Variants in PADI4 observed in about 807,000 individuals in gnomAD.
PADI4 encodes the protein protein-arginine deiminase type-4.
In PADI4, 62 loss-of-function variants were observed where a neutral mutation model predicts 75.0. The ratio of observed to expected loss-of-function variants is 0.83; its 90% confidence interval spans 0.67 to 1.02. The LOEUF (loss-of-function observed/expected upper bound fraction) is 1.02, where lower values mean the gene tolerates loss of function less well. Ranked by LOEUF, PADI4 falls within the 50% of genes least tolerant of loss-of-function variation. The pLI is 0.00. For synonymous variants in PADI4, 361 were observed against 348.1 expected, an observed-to-expected ratio of 1.04 and a Z score of -0.41; for missense variants, 845 against 850.5, an observed-to-expected ratio of 0.99 and a Z score of 0.08.
chr1:17,333,211 A>G (rs994404521), intron 2 of PADI4, among the ~76,000 whole-genome samples: 4 of 152,170 alleles, frequency 2.6e-5, no homozygotes, highest in Non-Finnish European at 5.9e-5. Flanking sequence ...GGCTGACACC[A>G]TGGTCCAGGC....
chr1:17,333,510 C>A (rs553167572), intron 2 of PADI4, among the ~76,000 whole-genome samples: 57 of 152,110 alleles, frequency 3.7e-4, no homozygotes, highest in African/African-American at 1.2e-3. Flanking sequence ...CTCCTGCTCC[C>A]CAGATCCCCC....
At chr1:17,338,187 C>T (rs747707413) in intron 5 of PADI4, 32 bp downstream of exon 5, 2 of 1,419,428 alleles carry the variant, frequency 1.4e-6, no homozygotes, top group Admixed American at 3.4e-5. Flanking sequence ...ACGGGAAGGG[C>T]TTTTTATAAA....
Position 17,336,158 on chromosome 1 carries a change from G to T in PADI4, c.341-1G>T. Reference sequence around the variant, plus strand: ...TCTCCTCTTACTTGATGGGATTTCAGAAATCTCCTTGTGCGCAGACATCAC... The same window carrying T: ...TCTCCTCTTACTTGATGGGATTTCATAAATCTCCTTGTGCGCAGACATCAC... On this transcript the variant is annotated splice_acceptor_variant, in intron 3 of 15. Transcript: ENST00000375448. LOFTEE classifies it high-confidence loss of function. The T allele has an allele frequency of 1.9e-6, 3 of 1,611,792 alleles. No individual in the cohort carries two copies. Among genetic ancestry groups the T allele is most frequent in the Non-Finnish European group, 2.5e-6 (3 of 1,177,864 alleles).
At chr1:17,344,452 TAAG>T (rs1455618311) in intron 8 of PADI4, among the ~76,000 whole-genome samples, 5 of 152,244 alleles carry the variant, frequency 3.3e-5, no homozygotes, top group African/African-American at 1.2e-4. Flanking sequence ...AGATTAATGT[TAAG>T]CCACAAGGCA....
rs768322726 is a variant in PADI4, at chr1:17,342,403, G to A, written c.935+1G>A. On this transcript the variant is annotated splice_donor_variant, in intron 8 of 15. Transcript: ENST00000375448. LOFTEE classifies it high-confidence loss of function. ...CCCCGCAGGAGGTGTACGCGTGCAGGTGAGAGGTCCTGGGGTGCTGGGGTG... is the reference window on the plus strand; with the variant it reads ...CCCCGCAGGAGGTGTACGCGTGCAGATGAGAGGTCCTGGGGTGCTGGGGTG... 2.5e-6 allele frequency: 4 copies of A among 1,597,916 alleles called. No individual in the cohort carries two copies. In the East Asian group the frequency reaches 8.9e-5, roughly 36 times the overall value.
chr1:17,339,775 G>A lies in PADI4; in HGVS notation c.614G>A (p.Arg205Lys), dbSNP rs755549953. The A allele has an allele frequency of 1.4e-5, 23 of 1,612,908 alleles. No individual in the cohort carries two copies. The South Asian group carries it at 2.3e-4, about 16-fold the overall frequency. ...TNHTLVLHVARSEMDKVRVFQ... is the reference protein window; with the variant it reads ...TNHTLVLHVAKSEMDKVRVFQ... ...CATACACTGGTGCTCCACGTGGCCA[G>A]GTCTGAGATGGACAAAGTGAGGGTG... Residue 205 changes from arginine (R) to lysine (K), a missense_variant, in exon 6 of 16, where the codon AGG becomes AAG. By Grantham distance (26) the Arg-to-Lys change is conservative. Coordinates refer to ENST00000375448, the MANE Select transcript of PADI4 (RefSeq NM_012387.3).
chr1:17,328,573 G>A (rs944130826), intron 1 of PADI4, among the ~76,000 whole-genome samples: 35 of 152,068 alleles, frequency 2.3e-4, no homozygotes, highest in African/African-American at 7.7e-4. Flanking sequence ...CTTGAGCATA[G>A]GAGGTCAAGG....
chr1:17,355,780 G>A (rs1177192836), intron 11 of PADI4, among the ~76,000 whole-genome samples: 1 of 152,178 alleles, frequency 6.6e-6, no homozygotes, highest in African/African-American at 2.4e-5. Flanking sequence ...TAGTGACTCT[G>A]TGCCTCAGTT....
intron 1 of PADI4, among the ~76,000 whole-genome samples, chr1:17,323,152 G>A (rs1273246982): frequency 6.6e-6 from 1 of 152,188 alleles, no homozygotes; most frequent in Non-Finnish European, 1.5e-5. Context: ...CTCCCTGGCT[G>A]TTGGCTGGAA....
At chr1:17,327,645 A>G (rs911406280) in intron 1 of PADI4, among the ~76,000 whole-genome samples, 10 of 151,706 alleles carry the variant, frequency 6.6e-5, no homozygotes, top group African/African-American at 2.4e-4. Context: ...GGGTTCAAGC[A>G]ATTCTCCTGC....
Position 17,356,134 on chromosome 1 carries a change from T to C in PADI4, c.1455+7T>C, listed in dbSNP as rs373798858. 3.1e-6 allele frequency: 5 copies of C among 1,613,074 alleles called. No homozygotes were observed. Among genetic ancestry groups the C allele is most frequent in the Non-Finnish European group, 4.2e-6 (5 of 1,179,428 alleles). The stretch of plus-strand genomic sequence containing the variant: ...GCCAGCACCCGACAGGAAGGTACAG[T>C]CTTGGGGGCTGCCTCAGGAAGCCAT... On this transcript the variant is annotated splice_region_variant and intron_variant, in intron 12 of 15. Coordinates refer to ENST00000375448, the MANE Select transcript of PADI4 (RefSeq NM_012387.3). The surrounding 1 kb of genome is among the most constrained non-coding windows in gnomAD (Gnocchi z 4.1).
chr1:17,318,987 C>CT (rs1321648519), intron 1 of PADI4, among the ~76,000 whole-genome samples: 4 of 150,962 alleles, frequency 2.6e-5, no homozygotes, highest in East Asian at 2.0e-4. Context: ...TGCGCCCAGC[C>CT]TTTTTTTTTC....
At position 17,354,077 on chromosome 1, in the gene PADI4, TAA is replaced by T. The variant is rs11327771; in HGVS notation, c.1156-442_1156-441del. ...CAACATGGTGAAACCCCATCTCTAC[TAA>T]AAAAAAAAAAAAATACAAAAATTAG... On this transcript the variant is annotated intron_variant, in intron 10 of 15. Coordinates refer to ENST00000375448, the MANE Select transcript of PADI4 (RefSeq NM_012387.3). Among the ~76,000 whole-genome samples the T allele has an allele frequency of 1.5e-4, 21 of 135,722 alleles. 1 individual carries two copies. Among genetic ancestry groups the T allele is most frequent in the African/African-American group, 3.2e-4 (12 of 37,650 alleles). The allele number at this position is 135,722 out of a possible 152,430, so 89.0% of individuals were successfully genotyped here. A position where few individuals can be genotyped will look rare whatever the true frequency, so the allele number is the denominator to read the frequency against.
intron 5 of PADI4, among the ~76,000 whole-genome samples, chr1:17,339,162 C>T (rs575568400): frequency 3.3e-5 from 5 of 152,268 alleles, no homozygotes; most frequent in East Asian, 3.9e-4. Context: ...CCAAATTGAC[C>T]GCAAAGCCTT....
At chr1:17,310,433 G>C (rs898026243) in intron 1 of PADI4, among the ~76,000 whole-genome samples, 3 of 152,032 alleles carry the variant, frequency 2.0e-5, no homozygotes, top group Non-Finnish European at 2.9e-5. Context: ...AGCAGCCATC[G>C]GCCTCTTCCT....
At chr1:17,363,423 G>T in intron 15 of PADI4, 99 bp from the exon 16 acceptor site, 1 of 769,994 alleles carries the variant, frequency 1.3e-6, no homozygotes. Flanking sequence ...ACCCCTGGAG[G>T]GGCTATTATT....
intron 1 of PADI4, among the ~76,000 whole-genome samples, chr1:17,329,004 T>G (rs2074161024): frequency 6.7e-6 from 1 of 148,342 alleles, no homozygotes; most frequent in African/African-American, 2.4e-5. Flanking sequence ...TTTATTATGA[T>G]ATTTATTAAG....
chr1:17,331,459 A>G (rs1394827823), intron 2 of PADI4, among the ~76,000 whole-genome samples: 3 of 152,270 alleles, frequency 2.0e-5, no homozygotes, highest in East Asian at 1.9e-4. Context: ...CTGAGGGTGC[A>G]GCCCTCATGG....
At chr1:17,352,012 G>GTGGGAAC (rs1557576556) in intron 10 of PADI4, among the ~76,000 whole-genome samples, 1 of 31,816 alleles carries the variant, frequency 3.1e-5, no homozygotes. Flanking sequence ...GTGATGGGAG[G>GTGGGAAC]AGAGGCGGCC....
Sources: gnomAD v4.1 joint callset for allele counts (sites outside exome capture counted in the v4.1 genomes callset) on GRCh38, gnomAD v4.1.1 for gene constraint, Gnocchi (gnomAD v3.1) non-coding constraint, MANE v1.5 for transcripts, NCBI Gene and HGNC (gene_info 2026-07-23, HGNC 2026-07-21) for gene names.